PDE4D: variants seen among roughly 807,000 people sequenced by gnomAD.
The protein encoded by PDE4D is phosphodiesterase 4D.
Under a neutral mutation model 87.4 loss-of-function variants are expected in PDE4D, and 24 were observed. The ratio of observed to expected loss-of-function variants is 0.27; its 90% CI spans 0.20 to 0.39. The LOEUF is 0.39. Among genes scored for constraint, PDE4D ranks in the 10% least tolerant of loss-of-function variants. The pLI, the probability that PDE4D is intolerant of heterozygous loss-of-function variation, is 1.00. For synonymous variants in PDE4D, 384 were observed against 383.2 expected (o/e 1.00, Z -0.02); for missense variants, 714 against 1,041.0 (o/e 0.69, Z 4.32).
At chr5:59,677,928 A>AT (rs1264593477) in intron 1 of PDE4D, among the ~76,000 whole-genome samples, 3 of 152,146 alleles carry the variant, frequency 2.0e-5, no homozygotes, top group Admixed American at 1.3e-4. Context: ...CCTCCATTAA[A>AT]TTTTTAATTC....
intron 2 of PDE4D, among the ~76,000 whole-genome samples, chr5:60,161,355 C>T (rs1465218014): frequency 6.6e-6 from 1 of 152,028 alleles, no homozygotes; most frequent in Non-Finnish European, 1.5e-5. Context: ...ACCCATGTCC[C>T]CCTTCTTCCT....
chr5:59,583,058 T>C (rs1824460654), intron 1 of PDE4D, among the ~76,000 whole-genome samples: 2 of 152,184 alleles, frequency 1.3e-5, no homozygotes, highest in African/African-American at 2.4e-5. Flanking sequence ...ATTAAAAGGA[T>C]GCAAAGGTAT....
chr5:60,478,435 T>C (rs1233093143), intron 1 of PDE4D, among the ~76,000 whole-genome samples: 2 of 152,156 alleles, frequency 1.3e-5, no homozygotes, highest in Non-Finnish European at 2.9e-5. Flanking sequence ...AATTCTCCTC[T>C]AGCCTCATCA....
chr5:60,064,613 C>A (rs529111070), intron 2 of PDE4D, among the ~76,000 whole-genome samples: 61 of 152,238 alleles, frequency 4.0e-4, no homozygotes, highest in Non-Finnish European at 6.8e-4. Flanking sequence ...ACACTATCAG[C>A]ATAAAGCCAC....
At chr5:59,194,227 G>A (rs1744956974) in intron 2 of PDE4D, among the ~76,000 whole-genome samples, 1 of 152,190 alleles carries the variant, frequency 6.6e-6, no homozygotes, top group South Asian at 2.1e-4. Flanking sequence ...TCCAGTTAGA[G>A]GAAAGTGAGA....
intron 1 of PDE4D, among the ~76,000 whole-genome samples, chr5:59,622,002 TA>T (rs1433924598): frequency 6.6e-6 from 1 of 152,234 alleles, no homozygotes; most frequent in Non-Finnish European, 1.5e-5. Flanking sequence ...ATCTGATCTT[TA>T]AAAGAGTTAC....
chr5:59,931,958 C>A (rs1561876578), intron 3 of PDE4D, among the ~76,000 whole-genome samples: 1 of 152,124 alleles, frequency 6.6e-6, no homozygotes, highest in African/African-American at 2.4e-5. Flanking sequence ...GCCTTGGCCT[C>A]CCAAAGTGCT....
intron 1 of PDE4D, among the ~76,000 whole-genome samples, chr5:60,208,398 G>A (rs886096623): frequency 1.3e-5 from 2 of 152,174 alleles, no homozygotes; most frequent in Non-Finnish European, 2.9e-5. Context: ...GGGAAGAGAG[G>A]AGTAGAGAAG....
At chr5:59,633,986 A>G (rs1831913644) in intron 1 of PDE4D, among the ~76,000 whole-genome samples, 1 of 152,188 alleles carries the variant, frequency 6.6e-6, no homozygotes, top group Non-Finnish European at 1.5e-5. Context: ...TGTATTTAGT[A>G]GACTCATCTC....
At chr5:60,381,978 G>A (rs763193886) in intron 1 of PDE4D, among the ~76,000 whole-genome samples, 4 of 152,132 alleles carry the variant, frequency 2.6e-5, no homozygotes, top group Non-Finnish European at 4.4e-5. Context: ...CATCATGAAA[G>A]ATTCTGTTTA....
At chr5:60,293,857 G>C (rs1050954816) in intron 1 of PDE4D, among the ~76,000 whole-genome samples, 11 of 152,060 alleles carry the variant, frequency 7.2e-5, no homozygotes, top group African/African-American at 2.7e-4. Context: ...TAATATGTGG[G>C]TTTATGAATA....
At chr5:60,028,866 G>T (rs187056724) in intron 2 of PDE4D, among the ~76,000 whole-genome samples, 11 of 152,110 alleles carry the variant, frequency 7.2e-5, no homozygotes, top group Admixed American at 6.5e-4. Flanking sequence ...TTGCCTCAAG[G>T]CCAAGTCAAT....
At chr5:59,085,123 C>T (rs191926895) in intron 5 of PDE4D, among the ~76,000 whole-genome samples, 2 of 152,148 alleles carry the variant, frequency 1.3e-5, no homozygotes, top group Admixed American at 1.3e-4. Context: ...ATATTCATCA[C>T]AATAGTGCTT....
chr5:59,495,369 T>C (rs1039274109), intron 1 of PDE4D, among the ~76,000 whole-genome samples: 1 of 152,202 alleles, frequency 6.6e-6, no homozygotes, highest in Non-Finnish European at 1.5e-5. Context: ...CCCCTGGCCC[T>C]GTTTCTAAGT....
intron 1 of PDE4D, among the ~76,000 whole-genome samples, chr5:59,552,007 G>T (rs912375271): frequency 1.3e-5 from 2 of 152,074 alleles, no homozygotes; most frequent in African/African-American, 4.8e-5. Context: ...CTTGAGCCCA[G>T]GAGTTTGAGA....
rs747472867 is a variant in PDE4D at position 59,916,116 on chromosome 5, TG to T, written c.272+72371del. Among the ~76,000 whole-genome samples the T allele has an allele frequency of 4.6e-5, 7 of 152,294 alleles. No homozygotes were observed. The South Asian group carries it at 1.2e-3, about 27-fold the overall frequency. On this transcript the variant is annotated intron_variant, in intron 3 of 16. Coordinates refer to the PDE4D transcript ENST00000502484. Reference sequence around the variant, plus strand: ...AGTCACAAAATATAATCTATGAGAATGCTTTTTTTCCTGAACTTTTATATAA... The same window carrying T: ...AGTCACAAAATATAATCTATGAGAATCTTTTTTTCCTGAACTTTTATATAA...
At chr5:60,306,017 A>G (rs1754469811) in intron 1 of PDE4D, among the ~76,000 whole-genome samples, 1 of 152,144 alleles carries the variant, frequency 6.6e-6, no homozygotes, top group Admixed American at 6.5e-5. Context: ...CTTCAAATCA[A>G]GAAAATACTT....
At chr5:60,243,337 G>A (rs77379276) in intron 1 of PDE4D, among the ~76,000 whole-genome samples, 15 of 151,820 alleles carry the variant, frequency 9.9e-5, no homozygotes, top group Admixed American at 1.3e-4. Context: ...AAGAAATCTC[G>A]CAGTAAAGAA....
At chr5:60,457,634 CATGACTT>C (rs1236288760) in intron 1 of PDE4D, among the ~76,000 whole-genome samples, 1 of 152,054 alleles carries the variant, frequency 6.6e-6, no homozygotes, top group African/African-American at 2.4e-5. Context: ...TGTTCTGCCC[CATGACTT>C]CAAAAAGATA....
Sources: allele counts gnomAD v4.1 joint callset (sites outside exome capture counted in the v4.1 genomes callset), GRCh38; gene constraint gnomAD v4.1.1; transcripts MANE v1.5; gene names NCBI Gene and HGNC (gene_info 2026-07-23, HGNC 2026-07-21).